The following RFX8 variants were observed in gnomAD, a reference collection of about 807,000 sequenced individuals.
RFX8 encodes the protein regulatory factor X8.
A neutral mutation model predicts 54.6 loss-of-function variants in RFX8; 46 were observed. The observed-to-expected ratio is 0.84, with a 90% CI of 0.67 to 1.08. The LOEUF is 1.08. Among genes scored for constraint, RFX8 ranks in the 50% least tolerant of loss-of-function variants. The pLI is 0.00. For missense variants in RFX8, 536 were observed against 562.3 expected (o/e 0.95, Z 0.47); for synonymous variants, 192 against 209.5 (o/e 0.92, Z 0.72).
rs537834632 is a variant in RFX8 at position 101,470,709 on chromosome 2, C to CTT, written c.-52-3811_-52-3810dup. On this transcript the variant is annotated intron_variant, in intron 1 of 11. Coordinates refer to ENST00000428343, the MANE Select transcript of RFX8 (RefSeq NM_001145664.2). Reference sequence around the variant, plus strand: ...GTGCTTCACACGTTTTCTGAGTACTCTTTTTTTTTTTTTTTTTTTTTTTTT... The same window carrying CTT: ...GTGCTTCACACGTTTTCTGAGTACTCTTTTTTTTTTTTTTTTTTTTTTTTTTT... Among the ~76,000 whole-genome samples the CTT allele has an allele frequency of 1.6e-3, 168 of 105,540 alleles. 13 individuals carry two copies. The highest frequency in any genetic ancestry group is 3.8e-3 in the African/African-American group (97 of 25,310). 69.2% of individuals were successfully genotyped at this position (105,540 alleles called of 152,430 possible).
At chr2:101,457,635 A>G (rs7588723) in intron 2 of RFX8, among the ~76,000 whole-genome samples, 52,475 of 151,956 alleles carry the variant, frequency 0.35, 9,732 homozygotes, top group African/African-American at 0.44. Context: ...CAATTATGTG[A>G]TCAATTTTAG....
intron 11 of RFX8, among the ~76,000 whole-genome samples, chr2:101,400,324 G>A (rs962399340): frequency 1.3e-5 from 2 of 152,266 alleles, no homozygotes; most frequent in South Asian, 2.1e-4. Context: ...TCACTTTAGC[G>A]AGAATGCCCC....
intron 2 of RFX8, among the ~76,000 whole-genome samples, chr2:101,435,710 T>C (rs1025340646): frequency 6.6e-6 from 1 of 152,038 alleles, no homozygotes; most frequent in African/African-American, 2.4e-5. Context: ...CTAAACGGGA[T>C]TGGAATCTGG....
At chr2:101,400,269 G>A (rs774945630) in intron 11 of RFX8, among the ~76,000 whole-genome samples, 11 of 152,026 alleles carry the variant, frequency 7.2e-5, no homozygotes, top group South Asian at 2.1e-4. Flanking sequence ...CTTCTCCTTC[G>A]CCCACTTCCT....
chr2:101,420,380 TA>T (rs1159050988), intron 4 of RFX8, among the ~76,000 whole-genome samples: 3 of 151,922 alleles, frequency 2.0e-5, no homozygotes, highest in African/African-American at 4.8e-5. Context: ...CCGTCTCTAC[TA>T]AAAATACAAA....
At chr2:101,403,222 C>T (rs186178747) in intron 10 of RFX8, among the ~76,000 whole-genome samples, 1 of 152,022 alleles carries the variant, frequency 6.6e-6, no homozygotes, top group Admixed American at 6.5e-5. Context: ...CCTGTGGCTG[C>T]AGCTCTTTGT....
At chr2:101,419,026 C>T (rs1179014128) in intron 4 of RFX8, 62 bp from the exon 5 acceptor site, 2 of 790,578 alleles carry the variant, frequency 2.5e-6, no homozygotes, top group South Asian at 1.7e-5. Context: ...ACTAACCCCC[C>T]GCCACAGATA....
intron 1 of RFX8, chr2:101,474,120 AG>A: frequency 1.9e-6 from 1 of 534,582 alleles, no homozygotes; most frequent in Non-Finnish European, 3.3e-6. Context: ...CGGCGTCCCG[AG>A]GGCAGCCGTA....
intron 1 of RFX8, among the ~76,000 whole-genome samples, chr2:101,469,770 A>G (rs905868671): frequency 1.3e-5 from 2 of 152,138 alleles, no homozygotes; most frequent in Admixed American, 6.5e-5. Context: ...AAATGATACT[A>G]CCGAGCCTGC....
At chr2:101,474,412 G>A (rs1690194065) in intron 1 of RFX8, 2 of 379,790 alleles carry the variant, frequency 5.3e-6, no homozygotes, top group Non-Finnish European at 9.3e-6. Context: ...CGCGGGGCGC[G>A]GGGCGGGAGC....
intron 1 of RFX8, chr2:101,474,109 C>T: frequency 1.9e-6 from 1 of 527,296 alleles, no homozygotes; most frequent in Non-Finnish European, 3.3e-6. Flanking sequence ...CGGCTTTGAC[C>T]CGGCGTCCCG....
intron 2 of RFX8, among the ~76,000 whole-genome samples, chr2:101,459,054 G>A (rs148129016): frequency 6.6e-4 from 100 of 152,222 alleles, no homozygotes; most frequent in Middle Eastern, 3.4e-3. Flanking sequence ...ACGGTTTTCA[G>A]CTCCATCAGG....
chr2:101,451,873 C>T (rs189643301), intron 2 of RFX8, among the ~76,000 whole-genome samples: 3 of 152,064 alleles, frequency 2.0e-5, no homozygotes, highest in Non-Finnish European at 4.4e-5. Context: ...GTGGGAGGAT[C>T]ATTTGAGCCC....
At chr2:101,405,353 G>A (rs1685669934) in intron 10 of RFX8, among the ~76,000 whole-genome samples, 2 of 151,884 alleles carry the variant, frequency 1.3e-5, no homozygotes, top group Admixed American at 1.3e-4. Context: ...CACCATGTTG[G>A]TCAGGCTGGT....
At chr2:101,439,139 A>C (rs1687950494) in intron 2 of RFX8, among the ~76,000 whole-genome samples, 1 of 152,166 alleles carries the variant, frequency 6.6e-6, no homozygotes, top group Admixed American at 6.5e-5. Context: ...TTGTATTTCC[A>C]CAGTGACTAA....
At chr2:101,411,736 G>T (rs1686144528) in intron 8 of RFX8, among the ~76,000 whole-genome samples, 1 of 152,172 alleles carries the variant, frequency 6.6e-6, no homozygotes. Flanking sequence ...GGAGGATCTG[G>T]AATTGGGGTC....
At chr2:101,418,750 G>A in intron 5 of RFX8, 101 bp downstream of exon 5, 2 of 735,522 alleles carry the variant, frequency 2.7e-6, no homozygotes, top group Admixed American at 2.0e-5. Context: ...CTCCTCAGAG[G>A]ACCATGGAGA....
At chr2:101,430,610 C>T (rs374269760) in intron 2 of RFX8, among the ~76,000 whole-genome samples, 5 of 152,332 alleles carry the variant, frequency 3.3e-5, no homozygotes, top group African/African-American at 1.2e-4. Context: ...TGATCTTGGA[C>T]TTCCAGCTTC....
chr2:101,432,809 T>C (rs894002669), intron 2 of RFX8, among the ~76,000 whole-genome samples: 1 of 152,182 alleles, frequency 6.6e-6, no homozygotes, highest in African/African-American at 2.4e-5. Context: ...CTCCACTTGC[T>C]CTCCGAGGCC....
Sources: allele counts gnomAD v4.1 joint callset (sites outside exome capture counted in the v4.1 genomes callset), GRCh38; gene constraint gnomAD v4.1.1; transcripts MANE v1.5; gene names NCBI Gene and HGNC (gene_info 2026-07-23, HGNC 2026-07-21).